ADAMTSL1: variants seen among roughly 807,000 people sequenced by gnomAD.
ADAMTSL1 encodes ADAMTS like 1.
A neutral mutation model predicts 201.8 loss-of-function variants in ADAMTSL1; 126 were observed. The observed-to-expected ratio is 0.62, with a 90% CI of 0.54 to 0.72. ADAMTSL1 has a LOEUF of 0.72. ADAMTSL1 is among the 30% of genes least tolerant of loss of function. The pLI is 0.00. For missense variants in ADAMTSL1, 2,679 were observed against 2,277.8 expected, an observed-to-expected ratio of 1.18 and a Z score of -3.59; for synonymous variants, 1,121 against 903.4, an observed-to-expected ratio of 1.24 and a Z score of -4.32.
intron 1 of ADAMTSL1, among the ~76,000 whole-genome samples, chr9:18,476,855 A>G (rs1161871319): frequency 6.6e-6 from 1 of 152,126 alleles, no homozygotes; most frequent in Non-Finnish European, 1.5e-5. Context: ...CATCTGTATC[A>G]TGACTAGGTT....
At chr9:18,680,752 T>A (rs866833686) in intron 11 of ADAMTSL1, 2 of 520,532 alleles carry the variant, frequency 3.8e-6, no homozygotes, top group African/African-American at 1.9e-5. Flanking sequence ...GTTCCCCAGA[T>A]AATGTTCCCT....
At chr9:18,481,871 A>G (rs562338501) in intron 1 of ADAMTSL1, among the ~76,000 whole-genome samples, 1 of 152,336 alleles carries the variant, frequency 6.6e-6, no homozygotes, top group African/African-American at 2.4e-5. Context: ...GAGAATTACC[A>G]TTATGTGTGA....
intron 2 of ADAMTSL1, among the ~76,000 whole-genome samples, chr9:18,308,074 A>C (rs1303524986): frequency 6.6e-6 from 1 of 152,172 alleles, no homozygotes; most frequent in Non-Finnish European, 1.5e-5. Context: ...GAATCTGAAC[A>C]ACCTGCTCCT....
chr9:17,923,247 A>G (rs1227904158), intron 1 of ADAMTSL1, among the ~76,000 whole-genome samples: 3 of 150,246 alleles, frequency 2.0e-5, no homozygotes, highest in African/African-American at 4.9e-5. Flanking sequence ...GGCCATTTTC[A>G]CGATATTGAT....
At chr9:17,993,184 C>T (rs914359659) in intron 1 of ADAMTSL1, among the ~76,000 whole-genome samples, 1 of 152,032 alleles carries the variant, frequency 6.6e-6, no homozygotes, top group Admixed American at 6.6e-5. Context: ...TAGGTTATCT[C>T]GTTGGGTGGA....
At position 18,670,086 on chromosome 9, in the gene ADAMTSL1, G is replaced by T. The variant is rs1564135573; in HGVS notation, c.1086-5771G>T. On this transcript the variant is annotated intron_variant, in intron 9 of 28. Coordinates refer to ENST00000380548, the MANE Select transcript of ADAMTSL1 (RefSeq NM_001040272.6). Reference sequence around the variant, plus strand: ...ATAGGCTGGTTTCTATTGCCCTGAGGTTGTCTAGAGAAGATGGAGCACCAT... The same window carrying T: ...ATAGGCTGGTTTCTATTGCCCTGAGTTTGTCTAGAGAAGATGGAGCACCAT... Among the ~76,000 whole-genome samples, 3 of 152,228 alleles carry T rather than the reference G, an allele frequency of 2.0e-5. No individual in the cohort carries two copies. In the South Asian group the frequency reaches 6.2e-4, roughly 32 times the overall value.
chr9:18,282,007 C>T (rs1832809360), intron 2 of ADAMTSL1, among the ~76,000 whole-genome samples: 1 of 152,122 alleles, frequency 6.6e-6, no homozygotes, highest in African/African-American at 2.4e-5. Context: ...ACATTTTCCT[C>T]ACCTGGGTAT....
At chr9:18,326,337 T>G (rs1298218083) in intron 2 of ADAMTSL1, among the ~76,000 whole-genome samples, 2 of 152,216 alleles carry the variant, frequency 1.3e-5, no homozygotes, top group Admixed American at 6.5e-5. Context: ...ATGTTCTGCA[T>G]CGATTGTGGT....
At chr9:18,600,424 G>A (rs1274985809) in intron 4 of ADAMTSL1, among the ~76,000 whole-genome samples, 1 of 152,148 alleles carries the variant, frequency 6.6e-6, no homozygotes, top group East Asian at 1.9e-4. Flanking sequence ...AGATCTGTCT[G>A]ACCCTATAGC....
At chr9:18,372,241 A>G (rs1028533035) in intron 2 of ADAMTSL1, among the ~76,000 whole-genome samples, 1 of 152,196 alleles carries the variant, frequency 6.6e-6, no homozygotes, top group South Asian at 2.1e-4. Context: ...TCTCAGGTCT[A>G]GGTAGTACCA....
At chr9:18,372,462 T>G (rs574301514) in intron 2 of ADAMTSL1, among the ~76,000 whole-genome samples, 4 of 152,278 alleles carry the variant, frequency 2.6e-5, no homozygotes, top group African/African-American at 4.8e-5. Flanking sequence ...AAGAATCATC[T>G]ACATTTCATA....
intron 2 of ADAMTSL1, among the ~76,000 whole-genome samples, chr9:18,308,408 G>T (rs1833990309): frequency 6.6e-6 from 1 of 152,066 alleles, no homozygotes; most frequent in Non-Finnish European, 1.5e-5. Context: ...TCCAGGAGCT[G>T]GTTTTTTGAA....
intron 2 of ADAMTSL1, among the ~76,000 whole-genome samples, chr9:18,204,318 A>G (rs1057161451): frequency 1.3e-5 from 2 of 151,926 alleles, no homozygotes; most frequent in African/African-American, 4.8e-5. Flanking sequence ...ATGGTTATAT[A>G]GGTGGCTCTT....
intron 1 of ADAMTSL1, among the ~76,000 whole-genome samples, chr9:18,150,970 A>G (rs1826882780): frequency 6.6e-6 from 1 of 151,946 alleles, no homozygotes; most frequent in South Asian, 2.1e-4. Flanking sequence ...GGCTAGTAGA[A>G]ATGGGATCCC....
intron 10 of ADAMTSL1, among the ~76,000 whole-genome samples, chr9:18,679,344 T>C (rs1167277750): frequency 2.0e-5 from 3 of 152,114 alleles, no homozygotes; most frequent in Non-Finnish European, 4.4e-5. Flanking sequence ...AAGCAGAATA[T>C]ATGTAAAAAA....
At chr9:18,709,198 C>T (rs768093485) in intron 14 of ADAMTSL1, among the ~76,000 whole-genome samples, 36 of 152,180 alleles carry the variant, frequency 2.4e-4, no homozygotes, top group Admixed American at 1.0e-3. Context: ...TGAAAATATG[C>T]TTGGGTTATA....
At chr9:18,399,324 TA>T (rs1563934809) in intron 2 of ADAMTSL1, among the ~76,000 whole-genome samples, 16 of 120,658 alleles carry the variant, frequency 1.3e-4, no homozygotes, top group African/African-American at 5.0e-4. Context: ...TATATATATA[TA>T]TATAAAATTA....
intron 5 of ADAMTSL1, among the ~76,000 whole-genome samples, chr9:18,629,235 C>CTT (rs75914391): frequency 6.7e-6 from 1 of 148,748 alleles, no homozygotes; most frequent in African/African-American, 2.5e-5. Flanking sequence ...TTGTAAGCCA[C>CTT]TTTTTTTTTT....
rs1554730405 is a variant in ADAMTSL1 at position 18,688,689 on chromosome 9, A to AATATATATATATAT, written c.1574+3896_1574+3909dup. Among the ~76,000 whole-genome samples the AATATATATATATAT allele has an allele frequency of 5.8e-3, 50 of 8,634 alleles. 2 individuals carry two copies. Among genetic ancestry groups the AATATATATATATAT allele is most frequent in the Admixed American group, 9.6e-3 (4 of 418 alleles). The allele number at this position is 8,634 out of a possible 152,430, so 5.7% of individuals were successfully genotyped here. ...AAAAAAAAAAAAAAAAAAAAAAAAA[A>AATATATATATATAT]ATATATATATATATATATATGACTG... is the stretch of plus-strand genomic sequence containing the variant. On this transcript the variant is annotated intron_variant, in intron 13 of 28. Transcript: ENST00000380548.
Sources: gnomAD v4.1 joint callset for allele counts (sites outside exome capture counted in the v4.1 genomes callset) on GRCh38, gnomAD v4.1.1 for gene constraint, MANE v1.5 for transcripts, NCBI Gene and HGNC (gene_info 2026-07-23, HGNC 2026-07-21) for gene names.